Variants in LBR observed in about 807,000 individuals in gnomAD.
LBR encodes the protein lamin B receptor, also known as delta(14)-sterol reductase LBR.
A neutral mutation model predicts 74.3 loss-of-function variants in LBR; 28 were observed. The observed-to-expected ratio is 0.38, with a 90% CI of 0.28 to 0.52. The LOEUF is 0.52. Among genes scored for constraint, LBR ranks in the 20% least tolerant of loss-of-function variants. The pLI, the probability that LBR is intolerant of heterozygous loss-of-function variation, is 0.89. For missense variants in LBR, 717 were observed against 760.3 expected (o/e 0.94, Z 0.67); for synonymous variants, 228 against 269.3 (o/e 0.85, Z 1.50).
chr1:225,416,593 T>C (rs1403376132), intron 6 of LBR, among the ~76,000 whole-genome samples: 1 of 152,230 alleles, frequency 6.6e-6, no homozygotes, highest in African/African-American at 2.4e-5. Flanking sequence ...CCTTATCTAT[T>C]AAAGGAGTCT....
intron 10 of LBR, 78 bp from the exon 11 acceptor site, chr1:225,406,910 A>T: frequency 7.0e-7 from 1 of 1,424,450 alleles, no homozygotes; most frequent in Non-Finnish European, 9.8e-7. Context: ...GTTTACAGGC[A>T]AATGTAAAAA....
At chr1:225,411,162 C>T (rs1335442317) in intron 9 of LBR, among the ~76,000 whole-genome samples, 175 bp downstream of exon 9, 2 of 152,156 alleles carry the variant, frequency 1.3e-5, no homozygotes, top group Non-Finnish European at 2.9e-5. Context: ...TGTAACAGGG[C>T]ATCTTAAACC....
chr1:225,415,419 T>A, intron 6 of LBR, 87 bp from the exon 7 acceptor site: 1 of 712,106 alleles, frequency 1.4e-6, no homozygotes, highest in Non-Finnish European at 2.4e-6. Flanking sequence ...TATTCTAGTA[T>A]CACTTAATTT....
In LBR at chr1:225,415,345, A is replaced by C; in HGVS notation, c.838-13T>G. The C allele has an allele frequency of 6.7e-7, 1 of 1,501,952 alleles. No homozygotes were observed. The highest frequency in any genetic ancestry group is 9.2e-7 in the Non-Finnish European group (1 of 1,083,806). The allele number at this position is 1,501,952 out of a possible 1,614,324, so 93.0% of individuals were successfully genotyped here. A position where few individuals can be genotyped will look rare whatever the true frequency, so the allele number is the denominator to read the frequency against. On this transcript the variant is annotated splice_polypyrimidine_tract_variant and intron_variant, in intron 6 of 13. Transcript: ENST00000272163. ...TTCCTTCTACAACCTTAAAAGAAAAAAAATTTACAAATTTACTAAGCACAT... is the reference window on the plus strand; with the variant it reads ...TTCCTTCTACAACCTTAAAAGAAAACAAATTTACAAATTTACTAAGCACAT...
chr1:225,424,113 T>C, intron 1 of LBR, 24 bp from the exon 2 acceptor site: 1 of 1,542,732 alleles, frequency 6.5e-7, no homozygotes, highest in Non-Finnish European at 9.0e-7. Flanking sequence ...AAGAAAAAAA[T>C]TTGAGTCAAT....
rs2096084469 is a variant in LBR at position 225,403,167 on chromosome 1, A to C, written c.*136T>G. ...ATTAAAAGATCAACTACTCGGCTCC[A>C]TAGTCCTGACTCAAAAAGAAAAAAA... On this transcript the variant is annotated 3_prime_UTR_variant, in exon 14 of 14. Transcript: ENST00000272163. The C allele has an allele frequency of 2.6e-6, 2 of 757,594 alleles. No individual in the cohort carries two copies. The highest frequency in any genetic ancestry group is 3.1e-5 in the South Asian group (2 of 63,958). 46.9% of individuals were successfully genotyped at this position (757,594 alleles called of 1,614,324 possible).
chr1:225,416,889 T>G (rs2096118166), intron 6 of LBR, among the ~76,000 whole-genome samples: 2 of 152,194 alleles, frequency 1.3e-5, no homozygotes, highest in African/African-American at 4.8e-5. Context: ...ATGCAAATAC[T>G]ATACTATTTC....
At chr1:225,423,255 T>C (rs1159150244) in intron 2 of LBR, among the ~76,000 whole-genome samples, 2 of 152,236 alleles carry the variant, frequency 1.3e-5, no homozygotes, top group African/African-American at 2.4e-5. Context: ...TTTATATAAA[T>C]GTTTGTATAC....
chr1:225,411,209 T>A lies in LBR; in HGVS notation c.1188+128A>T, dbSNP rs2096104581. On this transcript the variant is annotated intron_variant, in intron 9 of 13. Transcript: ENST00000272163. ...CTTACAAGAAAGTATTTTGATAGAT[T>A]TATGGAAAGCCATAATTATCCCTAA... is the stretch of plus-strand genomic sequence containing the variant. 21 of 761,276 alleles carry A rather than the reference T, an allele frequency of 2.8e-5. No individual in the cohort carries two copies. The South Asian group carries it at 3.0e-4, about 11-fold the overall frequency. The allele number at this position is 761,276 out of a possible 1,614,324, so 47.2% of individuals were successfully genotyped here.
At chr1:225,407,264 C>T (rs576057099) in intron 10 of LBR, among the ~76,000 whole-genome samples, 1 of 152,284 alleles carries the variant, frequency 6.6e-6, no homozygotes, top group Admixed American at 6.5e-5. Flanking sequence ...CACTAAAAGC[C>T]TCTAAAAGAC....
intron 5 of LBR, among the ~76,000 whole-genome samples, chr1:225,418,530 A>C (rs1038002970): frequency 2.6e-5 from 4 of 152,226 alleles, no homozygotes; most frequent in Non-Finnish European, 5.9e-5. Flanking sequence ...AGAACATCTA[A>C]AAATTATCAG....
Position 225,422,269 on chromosome 1 carries a change from A to C in LBR, c.174T>G (p.Thr58=). The change falls in exon 3 of 14, where the codon ACT becomes ACG. Residue 58 remains threonine (T), a synonymous_variant. Coordinates refer to ENST00000272163, the MANE Select transcript of LBR (RefSeq NM_002296.4). ...ELKENDIKPL[T]SFRQRKGGST... is the part of the protein sequence containing the mutation. ...AGCCACCTTTCCTTTGCCTAAAGGA[A>C]GTTAAAGGCTAGAAAGGGGGAAGAA... The C allele has an allele frequency of 6.2e-7, 1 of 1,613,438 alleles. No homozygotes were observed. The highest frequency in any genetic ancestry group is 8.5e-7 in the Non-Finnish European group (1 of 1,179,948).
In LBR at chr1:225,406,795, C is replaced by T. The variant is rs2096092772; in HGVS notation, c.1352G>A (p.Gly451Glu). 1.9e-6 allele frequency: 3 copies of T among 1,614,088 alleles called. No individual in the cohort carries two copies. The highest frequency in any genetic ancestry group is 2.5e-6 in the Non-Finnish European group (3 of 1,180,038). The stretch of plus-strand genomic sequence containing the variant: ...TCCAAAAGCCAGCATGAATCCAAAT[C>T]CATCGTGGATGATGTCCATGGTCGT... ...LLTTMDIIHDGFGFMLAFGDL... is the reference protein window; with the variant it reads ...LLTTMDIIHDEFGFMLAFGDL... Residue 451 changes from glycine (G) to glutamate (E), a missense_variant, in exon 11 of 14, where the codon GGA (glycine) becomes GAA (glutamate). Coordinates refer to ENST00000272163, the MANE Select transcript of LBR (RefSeq NM_002296.4).
At chr1:225,413,482 G>A (rs1299623990) in intron 7 of LBR, among the ~76,000 whole-genome samples, 6 of 151,950 alleles carry the variant, frequency 3.9e-5, no homozygotes, top group Non-Finnish European at 7.4e-5. Flanking sequence ...TTGGATAAAC[G>A]GTCAAAAGCA....
intron 6 of LBR, among the ~76,000 whole-genome samples, chr1:225,417,370 A>G (rs2096119331): frequency 6.6e-6 from 1 of 152,204 alleles, no homozygotes; most frequent in Admixed American, 6.5e-5. Context: ...ATATCCAAGT[A>G]AAGGATTCTA....
chr1:225,420,812 G>A (rs2096126265), intron 3 of LBR, among the ~76,000 whole-genome samples: 1 of 151,502 alleles, frequency 6.6e-6, no homozygotes, highest in South Asian at 2.1e-4. Flanking sequence ...TACTCAGAAT[G>A]AGAAACTGAG....
At chr1:225,421,795 C>T (rs2096127876) in intron 3 of LBR, among the ~76,000 whole-genome samples, 1 of 152,186 alleles carries the variant, frequency 6.6e-6, no homozygotes, top group African/African-American at 2.4e-5. Flanking sequence ...ACTGTAAAAA[C>T]CTTACGCAGT....
At chr1:225,415,474 G>C (rs1490253020) in intron 6 of LBR, 142 bp from the exon 7 acceptor site, 1 of 594,616 alleles carries the variant, frequency 1.7e-6, no homozygotes, top group East Asian at 3.0e-5. Context: ...TGGAAATTTA[G>C]TAATATGTTT....
rs150412029 is a variant in LBR, at chr1:225,411,878, C to T, written c.1085-438G>A. Among the ~76,000 whole-genome samples, 241 of 152,356 alleles carry T rather than the reference C, an allele frequency of 1.6e-3. 1 individual carries two copies. Among genetic ancestry groups the T allele is most frequent in the Non-Finnish European group, 2.9e-3 (200 of 68,030 alleles). On this transcript the variant is annotated intron_variant, in intron 8 of 13. Coordinates refer to ENST00000272163, the MANE Select transcript of LBR (RefSeq NM_002296.4). ...AGGCTACAGTGCAGTGGCACAGTCT[C>T]GGCTCACTGCAACCTCCGCCTCCCA...
Sources: allele counts gnomAD v4.1 joint callset (sites outside exome capture counted in the v4.1 genomes callset), GRCh38; gene constraint gnomAD v4.1.1; transcripts MANE v1.5; gene names NCBI Gene and HGNC (gene_info 2026-07-23, HGNC 2026-07-21).